Variants in TP53BP2 observed in about 807,000 individuals in gnomAD.
TP53BP2 encodes the protein apoptosis-stimulating of p53 protein 2.
TP53BP2 carries 62 observed loss-of-function variants against 126.2 expected under a neutral mutation model. The ratio of observed to expected loss-of-function variants is 0.49; its 90% CI spans 0.40 to 0.61. The LOEUF is 0.61. Among genes scored for constraint, TP53BP2 ranks in the 20% least tolerant of loss-of-function variants. TP53BP2 has a pLI of 0.00. For missense variants in TP53BP2, 1,215 were observed against 1,402.8 expected (o/e 0.87, Z 2.14); for synonymous variants, 485 against 502.9 (o/e 0.96, Z 0.48).
chr1:223,787,797 G>A (rs1044988060), intron 16 of TP53BP2, among the ~76,000 whole-genome samples: 4 of 151,838 alleles, frequency 2.6e-5, no homozygotes, highest in Admixed American at 1.3e-4. Context: ...AGGATCACCT[G>A]AGCCCTGGCA....
chr1:223,798,642 A>C lies in TP53BP2; in HGVS notation c.1521T>G (p.Pro507=), dbSNP rs754382361. ...TAATCTGTTTTGGTTTTGTAGGAACAGGAGGTGGTACTTTAGCCACATTTT... is the reference window on the plus strand; with the variant it reads ...TAATCTGTTTTGGTTTTGTAGGAACCGGAGGTGGTACTTTAGCCACATTTT... ...ANKNVAKVPP[P]VPTKPKQINL... Residue 507 remains proline (P), a synonymous_variant, in exon 12 of 18, where the codon CCT becomes CCG. Transcript: ENST00000343537. The C allele has an allele frequency of 2.5e-6, 4 of 1,612,682 alleles. No individual in the cohort carries two copies. In the South Asian group the frequency reaches 3.3e-5, roughly 13 times the overall value.
chr1:223,813,175 G>A (rs535439145), intron 3 of TP53BP2, among the ~76,000 whole-genome samples: 35 of 151,956 alleles, frequency 2.3e-4, no homozygotes, highest in Admixed American at 1.4e-3. Context: ...GGTCACTAAC[G>A]ATGTGACCAA....
Position 223,800,740 on chromosome 1 carries a change from A to G in TP53BP2, c.1296T>C (p.Ser432=). Reference sequence around the variant, plus strand: ...TCCCAGTGCTTTGAGGTACAGAAGCAGAGCCTTGGCTTGGGAAAAGATCTG... The same window carrying G: ...TCCCAGTGCTTTGAGGTACAGAAGCGGAGCCTTGGCTTGGGAAAAGATCTG... The part of the protein sequence containing the change: ...SNADLFPSQG[S]ASVPQSTGNA... Residue 432 remains serine (S), a synonymous_variant, in exon 10 of 18, where the codon TCT becomes TCC. Coordinates refer to ENST00000343537, the MANE Select transcript of TP53BP2 (RefSeq NM_001031685.3). 6.2e-7 allele frequency: 1 copy of G among 1,610,206 alleles called. No homozygotes were observed. Among genetic ancestry groups the G allele is most frequent in the Non-Finnish European group, 8.5e-7 (1 of 1,179,108 alleles).
At chr1:223,785,308 TCTCA>T (rs1661914091) in intron 16 of TP53BP2, among the ~76,000 whole-genome samples, 1 of 152,246 alleles carries the variant, frequency 6.6e-6, no homozygotes, top group Admixed American at 6.5e-5. Context: ...AGTATATTTC[TCTCA>T]CTCTGGGAAA....
At chr1:223,821,517 G>C (rs374631229) in intron 1 of TP53BP2, 150 bp from the exon 2 acceptor site, 4 of 1,050,466 alleles carry the variant, frequency 3.8e-6, no homozygotes. Context: ...GGTGAGGTGT[G>C]GACTGGGGGT....
At chr1:223,840,425 C>T (rs1190620396) in intron 1 of TP53BP2, among the ~76,000 whole-genome samples, 1 of 152,214 alleles carries the variant, frequency 6.6e-6, no homozygotes, top group African/African-American at 2.4e-5. Context: ...GCTTAAGTGG[C>T]ATGAGCTGAA....
intron 7 of TP53BP2, 89 bp from the exon 8 acceptor site, chr1:223,802,984 T>A (rs1377743452): frequency 2.1e-6 from 3 of 1,421,792 alleles, no homozygotes; most frequent in Non-Finnish European, 2.9e-6. Context: ...ATTATATAAT[T>A]TCTAAAAATA....
chr1:223,792,425 A>C lies in TP53BP2; in HGVS notation c.2960T>G (p.Phe987Cys), dbSNP rs1354062666. Reference sequence around the variant, plus strand: ...ATCAGCAGCATTTACATTTACACCAAACTGTACCAGGAACTTAACGATTTC... The same window carrying C: ...ATCAGCAGCATTTACATTTACACCACACTGTACCAGGAACTTAACGATTTC... ...HTEIVKFLVQ[F>C]GVNVNAADSD... Residue 987 changes from phenylalanine (F) to cysteine (C), a missense_variant, in exon 15 of 18, where the codon TTT becomes TGT. Phe to Cys is a radical substitution (Grantham distance 205). Transcript: ENST00000343537. The C allele has an allele frequency of 6.2e-7, 1 of 1,613,082 alleles. No individual in the cohort carries two copies. Among genetic ancestry groups the C allele is most frequent in the Admixed American group, 1.7e-5 (1 of 59,848 alleles).
chr1:223,825,826 T>C, intron 1 of TP53BP2: 1 of 152,334 alleles, frequency 6.6e-6, no homozygotes, highest in Non-Finnish European at 1.5e-5. Context: ...CACCACAACC[T>C]GGCTCCTTCC....
At chr1:223,792,696 AAGAC>A (rs1463653289) in intron 14 of TP53BP2, among the ~76,000 whole-genome samples, 174 bp from the exon 15 acceptor site, 6 of 152,178 alleles carry the variant, frequency 3.9e-5, no homozygotes, top group Admixed American at 6.5e-5. Flanking sequence ...TTCTAGAAAT[AAGAC>A]AGACAGAAAA....
At chr1:223,790,419 G>A (rs1449066767) in intron 15 of TP53BP2, among the ~76,000 whole-genome samples, 2 of 151,880 alleles carry the variant, frequency 1.3e-5, no homozygotes, top group Non-Finnish European at 2.9e-5. Context: ...ATAGCCAGGT[G>A]TGGTGGCACA....
intron 3 of TP53BP2, 89 bp downstream of exon 3, chr1:223,814,151 T>C (rs1663005782): frequency 4.3e-6 from 4 of 924,628 alleles, no homozygotes; most frequent in Non-Finnish European, 6.8e-6. Flanking sequence ...ACCTCTCAAA[T>C]TACCTGGCTT....
intron 2 of TP53BP2, among the ~76,000 whole-genome samples, chr1:223,819,994 G>A (rs1298372908): frequency 6.6e-6 from 1 of 152,206 alleles, no homozygotes; most frequent in Admixed American, 6.5e-5. Context: ...AGAGTGACGG[G>A]CCTTCTGCAG....
chr1:223,807,023 T>C, intron 4 of TP53BP2, 76 bp from the exon 5 acceptor site: 1 of 1,133,622 alleles, frequency 8.8e-7, no homozygotes, highest in South Asian at 1.4e-5. Flanking sequence ...CTCAAAGGTC[T>C]ATGTAAAAGC....
chr1:223,837,154 A>AGG (rs1558111809), intron 1 of TP53BP2, among the ~76,000 whole-genome samples: 8 of 69,730 alleles, frequency 1.1e-4, no homozygotes, highest in African/African-American at 4.1e-4. Context: ...TTAAAAAAAA[A>AGG]AGGGGGGGGG....
chr1:223,843,557 T>A (rs1273539903), intron 1 of TP53BP2, among the ~76,000 whole-genome samples: 2 of 152,236 alleles, frequency 1.3e-5, no homozygotes. Context: ...TTGTACCTAA[T>A]GCCACAGAAC....
intron 4 of TP53BP2, among the ~76,000 whole-genome samples, 189 bp downstream of exon 4, chr1:223,810,242 A>G (rs1662865626): frequency 6.6e-6 from 1 of 152,252 alleles, no homozygotes; most frequent in South Asian, 2.1e-4. Flanking sequence ...TTAAACATAC[A>G]ACTTCTTCCA....
At chr1:223,804,549 T>C (rs78907012) in intron 5 of TP53BP2, among the ~76,000 whole-genome samples, 2 of 152,196 alleles carry the variant, frequency 1.3e-5, no homozygotes, top group African/African-American at 4.8e-5. Flanking sequence ...CACCCTAGAA[T>C]CTTCTGGGGA....
chr1:223,832,782 C>T (rs913554363), intron 1 of TP53BP2, among the ~76,000 whole-genome samples: 2 of 152,208 alleles, frequency 1.3e-5, no homozygotes, highest in African/African-American at 4.8e-5. Context: ...ACACCAAGGG[C>T]ACTCATGAGC....
Sources: allele counts gnomAD v4.1 joint callset (sites outside exome capture counted in the v4.1 genomes callset), GRCh38; gene constraint gnomAD v4.1.1; transcripts MANE v1.5; gene names NCBI Gene and HGNC (gene_info 2026-07-23, HGNC 2026-07-21).